GRM7: variants seen among roughly 807,000 people sequenced by gnomAD.
GRM7 encodes metabotropic glutamate receptor 7.
GRM7 carries 35 observed loss-of-function variants against 84.5 expected under a neutral mutation model. That is an observed-to-expected ratio of 0.41 (90% CI 0.32 to 0.55). The LOEUF is 0.55. Among genes scored for constraint, GRM7 ranks in the 20% least tolerant of loss-of-function variants. The probability of loss-of-function intolerance (pLI) is 0.19; values close to 1 mark genes in which losing one functional copy is unlikely to be tolerated. For synonymous variants in GRM7, 487 were observed against 455.1 expected (o/e 1.07, Z -0.89); for missense variants, 1,003 against 1,194.6 (o/e 0.84, Z 2.36).
At chr3:7,120,899 T>C (rs1693195128) in intron 1 of GRM7, among the ~76,000 whole-genome samples, 1 of 152,156 alleles carries the variant, frequency 6.6e-6, no homozygotes, top group Non-Finnish European at 1.5e-5. Flanking sequence ...TCCTAAGTTG[T>C]CACCAAGCTC....
At chr3:7,246,593 T>C (rs974024473) in intron 2 of GRM7, among the ~76,000 whole-genome samples, 2 of 152,134 alleles carry the variant, frequency 1.3e-5, no homozygotes, top group African/African-American at 4.8e-5. Flanking sequence ...TTTACCCTGT[T>C]GCCAAGTTCT....
chr3:7,616,337 T>C (rs1697078080), intron 8 of GRM7, among the ~76,000 whole-genome samples: 1 of 152,146 alleles, frequency 6.6e-6, no homozygotes, highest in Non-Finnish European at 1.5e-5. Context: ...AGTGCATAAA[T>C]CTATGCTTCG....
chr3:7,219,316 C>T (rs891965909), intron 2 of GRM7, among the ~76,000 whole-genome samples: 12 of 152,126 alleles, frequency 7.9e-5, no homozygotes, highest in African/African-American at 2.9e-4. Flanking sequence ...CTGTTCCCAT[C>T]AGAACAGACA....
At chr3:7,093,231 A>G (rs1428406996) in intron 1 of GRM7, among the ~76,000 whole-genome samples, 1 of 150,434 alleles carries the variant, frequency 6.6e-6, no homozygotes, top group Non-Finnish European at 1.5e-5. Context: ...TGAGGCAACT[A>G]AGGCCCAGTT....
chr3:7,526,604 T>A lies in GRM7; in HGVS notation c.1516-51818T>A, dbSNP rs545246368. 2.6e-5 allele frequency among the ~76,000 whole-genome samples: 4 copies of A among 152,128 alleles called. No individual in the cohort carries two copies. The East Asian group carries it at 7.7e-4, about 29-fold the overall frequency. On this transcript the variant is annotated intron_variant, in intron 7 of 9. Transcript: ENST00000357716. ...TTAGTCATAAATTCATTGCCTAGGCTGATGTCCAGGAGAGTATTTCCTAGG... is the reference window on the plus strand; with the variant it reads ...TTAGTCATAAATTCATTGCCTAGGCAGATGTCCAGGAGAGTATTTCCTAGG...
At chr3:7,666,427 A>G (rs1204279956) in intron 8 of GRM7, among the ~76,000 whole-genome samples, 3 of 152,212 alleles carry the variant, frequency 2.0e-5, no homozygotes, top group African/African-American at 7.2e-5. Context: ...TCTTTGAAGG[A>G]TGTCTTACAT....
At chr3:6,950,896 C>A (rs1692725814) in intron 1 of GRM7, among the ~76,000 whole-genome samples, 1 of 152,194 alleles carries the variant, frequency 6.6e-6, no homozygotes, top group Non-Finnish European at 1.5e-5. Flanking sequence ...TTTGATAAGC[C>A]CTCTGGAAAA....
intron 7 of GRM7, among the ~76,000 whole-genome samples, chr3:7,518,422 T>C (rs541976322): frequency 6.6e-6 from 1 of 152,332 alleles, no homozygotes; most frequent in East Asian, 1.9e-4. Context: ...AATTCAGGTA[T>C]GATAGGTTTT....
chr3:7,730,304 C>T (rs1196074969), intron 9 of GRM7, among the ~76,000 whole-genome samples: 1 of 152,144 alleles, frequency 6.6e-6, no homozygotes, highest in Non-Finnish European at 1.5e-5. Context: ...CTGCACCTGG[C>T]CTGTTTTTTT....
intron 2 of GRM7, among the ~76,000 whole-genome samples, chr3:7,270,470 T>G (rs919099169): frequency 2.6e-5 from 4 of 152,220 alleles, no homozygotes; most frequent in African/African-American, 9.6e-5. Context: ...ATGTATAGTT[T>G]TTTTTAGCCT....
intron 4 of GRM7, among the ~76,000 whole-genome samples, chr3:7,413,197 C>T (rs988577205): frequency 1.3e-5 from 2 of 152,054 alleles, no homozygotes; most frequent in African/African-American, 4.8e-5. Context: ...AGAGGGAAAA[C>T]TTTAAACCAT....
chr3:7,379,048 C>T (rs1013841014), intron 4 of GRM7, among the ~76,000 whole-genome samples: 11 of 152,034 alleles, frequency 7.2e-5, no homozygotes, highest in African/African-American at 2.2e-4. Context: ...AAGTGCCAGG[C>T]GTCTTCTGGG....
chr3:7,292,539 A>G (rs905227122), intron 2 of GRM7, among the ~76,000 whole-genome samples: 2 of 152,052 alleles, frequency 1.3e-5, no homozygotes, highest in Non-Finnish European at 2.9e-5. Context: ...GAATGTGTTA[A>G]TAGATAAGCA....
rs1438297861 is a variant in GRM7 at position 7,306,599 on chromosome 3, A to T, written c.980A>T (p.Glu327Val). The change falls in exon 4 of 10, where the codon GAA becomes GTA. Residue 327 changes from glutamate (E) to valine (V), a missense_variant. Glu to Val is a moderately radical substitution (Grantham distance 121). This residue lies in a region of GRM7 where 910 missense variants were observed against 1,126.0 expected (regional missense o/e 0.81). Coordinates refer to ENST00000357716, the MANE Select transcript of GRM7 (RefSeq NM_000844.4). ...GSKINPLHQH[E>V]DIAEGAITIQ... The stretch of plus-strand genomic sequence containing the variant: ...AAAATAAACCCACTGCACCAGCATG[A>T]AGATATCGCAGAAGGGGCCATCACC... 2 of 1,613,498 alleles carry T rather than the reference A, an allele frequency of 1.2e-6. No individual in the cohort carries two copies. Among genetic ancestry groups the T allele is most frequent in the South Asian group, 1.1e-5 (1 of 91,012 alleles).
intron 8 of GRM7, among the ~76,000 whole-genome samples, chr3:7,613,132 G>A (rs1357299895): frequency 6.6e-6 from 1 of 151,834 alleles, no homozygotes; most frequent in Non-Finnish European, 1.5e-5. Flanking sequence ...CTTTTCATGA[G>A]TTAAGTTAAA....
intron 9 of GRM7, among the ~76,000 whole-genome samples, chr3:7,721,929 G>A (rs970102382): frequency 2.0e-5 from 3 of 152,200 alleles, no homozygotes; most frequent in Admixed American, 6.5e-5. Flanking sequence ...TTTCACAGAG[G>A]TGGAACAGTG....
At chr3:7,509,723 C>T (rs1370642959) in intron 7 of GRM7, among the ~76,000 whole-genome samples, 1 of 152,072 alleles carries the variant, frequency 6.6e-6, no homozygotes, top group Non-Finnish European at 1.5e-5. Flanking sequence ...GAGAAGGCAG[C>T]CACAACTCAT....
intron 1 of GRM7, among the ~76,000 whole-genome samples, chr3:6,868,173 G>T (rs1694999345): frequency 1.3e-5 from 2 of 152,126 alleles, no homozygotes; most frequent in Non-Finnish European, 2.9e-5. Context: ...TTCAGCTCAG[G>T]AAAGTGATTC....
chr3:7,282,078 A>G (rs1699271060), intron 2 of GRM7, among the ~76,000 whole-genome samples: 2 of 152,162 alleles, frequency 1.3e-5, no homozygotes, highest in Non-Finnish European at 2.9e-5. Flanking sequence ...ATGAGACTCC[A>G]TCTCTACGAA....
Sources: gnomAD v4.1 joint callset for allele counts (sites outside exome capture counted in the v4.1 genomes callset) on GRCh38, gnomAD v4.1.1 for gene constraint, gnomAD v4.1.1 regional missense constraint, MANE v1.5 for transcripts, NCBI Gene and HGNC (gene_info 2026-07-23, HGNC 2026-07-21) for gene names.